CPNE4: variants seen among roughly 807,000 people sequenced by gnomAD.
CPNE4 encodes the protein copine 4, also known as copine-4.
CPNE4 carries 25 observed loss-of-function variants against 67.9 expected under a neutral mutation model. That is an observed-to-expected ratio of 0.37 (90% CI 0.27 to 0.51). CPNE4 has a LOEUF of 0.51. Ranked by LOEUF, CPNE4 falls within the 20% of genes least tolerant of loss-of-function variation. The probability of loss-of-function intolerance (pLI) is 0.93; values close to 1 mark genes in which losing one functional copy is unlikely to be tolerated. For missense variants in CPNE4, 464 were observed against 690.8 expected, an observed-to-expected ratio of 0.67 and a Z score of 3.68; for synonymous variants, 242 against 244.9, an observed-to-expected ratio of 0.99 and a Z score of 0.11.
In CPNE4 at chr3:131,659,766, T is replaced by A. The variant is rs117329466; in HGVS notation, c.681+9909A>T. On this transcript the variant is annotated intron_variant, in intron 7 of 15. Coordinates refer to ENST00000429747, the MANE Select transcript of CPNE4 (RefSeq NM_130808.3). Reference sequence around the variant, plus strand: ...TGCAAGGGTTTCCAAAAGGGAGGAATTTGGGAGTCAGAAAGAATCGCTTAG... The same window carrying A: ...TGCAAGGGTTTCCAAAAGGGAGGAAATTGGGAGTCAGAAAGAATCGCTTAG... 1.8e-3 allele frequency among the ~76,000 whole-genome samples: 270 copies of A among 152,218 alleles called. 4 individuals are homozygous for A. In the East Asian group the frequency reaches 0.049, roughly 28 times the overall value.
At chr3:131,803,109 G>T (rs2084190340) in intron 2 of CPNE4, among the ~76,000 whole-genome samples, 1 of 152,138 alleles carries the variant, frequency 6.6e-6, no homozygotes, top group African/African-American at 2.4e-5. Context: ...AAGAAGAAAT[G>T]CTTTGAAGCC....
chr3:131,940,675 G>A (rs1407914867), intron 1 of CPNE4, among the ~76,000 whole-genome samples: 3 of 151,972 alleles, frequency 2.0e-5, no homozygotes, highest in East Asian at 1.9e-4. Context: ...TTCTTATGAG[G>A]TAACTCTCTC....
chr3:131,576,370 CT>C (rs1385195381), intron 9 of CPNE4, among the ~76,000 whole-genome samples: 1 of 152,056 alleles, frequency 6.6e-6, no homozygotes, highest in Non-Finnish European at 1.5e-5. Flanking sequence ...AATAACAGTG[CT>C]TCTGAGCACT....
chr3:131,671,468 TG>T (rs2080414913), intron 6 of CPNE4, among the ~76,000 whole-genome samples: 1 of 150,260 alleles, frequency 6.7e-6, no homozygotes, highest in Non-Finnish European at 1.5e-5. Context: ...CATGTGTGTG[TG>T]TGTGTGTGTG....
chr3:131,559,682 T>C (rs536882913), intron 11 of CPNE4, among the ~76,000 whole-genome samples: 1 of 152,004 alleles, frequency 6.6e-6, no homozygotes, highest in African/African-American at 2.4e-5. Flanking sequence ...CCAATTTTAT[T>C]AAGATACATT....
chr3:131,644,796 G>A (rs924898376), intron 7 of CPNE4, among the ~76,000 whole-genome samples: 1 of 152,190 alleles, frequency 6.6e-6, no homozygotes. Flanking sequence ...AGGTACATAA[G>A]AGGAGCATAA....
chr3:132,023,889 G>T (rs1196599013), intron 1 of CPNE4, among the ~76,000 whole-genome samples: 1 of 152,116 alleles, frequency 6.6e-6, no homozygotes, highest in Non-Finnish European at 1.5e-5. Context: ...GAGATGAGAA[G>T]TTTCTCATCT....
chr3:131,938,311 C>T (rs186733495), intron 1 of CPNE4, among the ~76,000 whole-genome samples: 296 of 151,690 alleles, frequency 2.0e-3, no homozygotes, highest in African/African-American at 5.1e-3. Flanking sequence ...GAACTGTGAT[C>T]GTACCACTGC....
chr3:131,979,931 CTA>C (rs2072863435), intron 1 of CPNE4, among the ~76,000 whole-genome samples: 1 of 152,052 alleles, frequency 6.6e-6, no homozygotes, highest in Non-Finnish European at 1.5e-5. Context: ...CTGAAAAAGA[CTA>C]TATTTTTCCT....
intron 2 of CPNE4, among the ~76,000 whole-genome samples, chr3:131,855,739 T>C (rs1583334353): frequency 2.0e-5 from 3 of 151,848 alleles, no homozygotes. Flanking sequence ...GAAAATACAG[T>C]CATTTAATTT....
intron 5 of CPNE4, among the ~76,000 whole-genome samples, chr3:131,688,760 T>C (rs1415518364): frequency 6.6e-6 from 1 of 151,960 alleles, no homozygotes; most frequent in East Asian, 1.9e-4. Flanking sequence ...ATGACAAAAA[T>C]AAAAAGAAGG....
chr3:131,713,434 G>A (rs1383547487), intron 3 of CPNE4, among the ~76,000 whole-genome samples: 1 of 152,106 alleles, frequency 6.6e-6, no homozygotes, highest in Non-Finnish European at 1.5e-5. Flanking sequence ...AGAAAGGGTA[G>A]TGGAAGGGGG....
At position 132,034,805 on chromosome 3, in the gene CPNE4, G is replaced by A. The variant is rs2107708554; in HGVS notation, c.-240C>T. 1.0e-6 allele frequency: 1 copy of A among 985,546 alleles called. No homozygotes were observed. Among genetic ancestry groups the A allele is most frequent in the Non-Finnish European group, 1.2e-6 (1 of 830,118 alleles). The allele number at this position is 985,546 out of a possible 1,614,324, so 61.1% of individuals were successfully genotyped here. A position where few individuals can be genotyped will look rare whatever the true frequency, so the allele number is the denominator to read the frequency against. On this transcript the variant is annotated 5_prime_UTR_variant, in exon 1 of 16. Transcript: ENST00000429747. ...CTCCGGAAACCCTGACTCCATTCTCGGTGATGGGGGTGGGGGAAGAGGGTG... is the reference window on the plus strand; with the variant it reads ...CTCCGGAAACCCTGACTCCATTCTCAGTGATGGGGGTGGGGGAAGAGGGTG...
At chr3:131,995,888 C>A (rs1285451774) in intron 1 of CPNE4, among the ~76,000 whole-genome samples, 3 of 152,166 alleles carry the variant, frequency 2.0e-5, no homozygotes, top group African/African-American at 7.2e-5. Context: ...CAAGGAAGAG[C>A]TCCGAACTTG....
chr3:131,580,435 CATAT>C (rs1937740737), intron 9 of CPNE4, among the ~76,000 whole-genome samples: 8 of 130,946 alleles, frequency 6.1e-5, no homozygotes, highest in East Asian at 2.0e-4. Context: ...TATACATATA[CATAT>C]ACATATACAT....
Position 131,672,394 on chromosome 3 carries a change from A to G in CPNE4, c.592-2630T>C, listed in dbSNP as rs183231581. On this transcript the variant is annotated intron_variant, in intron 6 of 15. Transcript: ENST00000429747. ...TGGTTGTTCTATTTTTAATTTTTTG[A>G]GGAACCTCCAAACTATTCTCCACAA... Among the ~76,000 whole-genome samples, 14 of 152,182 alleles carry G rather than the reference A, an allele frequency of 9.2e-5. No individual in the cohort carries two copies. The East Asian group carries it at 2.5e-3, about 27-fold the overall frequency.
At chr3:131,868,388 G>A (rs996437473) in intron 2 of CPNE4, among the ~76,000 whole-genome samples, 5 of 152,146 alleles carry the variant, frequency 3.3e-5, no homozygotes, top group South Asian at 2.1e-4. Context: ...AGACTGACAC[G>A]TGGAGCTCAT....
intron 2 of CPNE4, among the ~76,000 whole-genome samples, chr3:131,733,294 A>G (rs1179107885): frequency 6.6e-6 from 1 of 152,220 alleles, no homozygotes; most frequent in Non-Finnish European, 1.5e-5. Context: ...CGTCTGGGCA[A>G]CAAACCCTGA....
chr3:132,007,464 G>A (rs778293329), intron 1 of CPNE4, among the ~76,000 whole-genome samples: 4 of 152,068 alleles, frequency 2.6e-5, no homozygotes, highest in African/African-American at 7.2e-5. Flanking sequence ...AAGAAAACAC[G>A]ACGTAAGTAT....
Sources: gnomAD v4.1 joint callset for allele counts (sites outside exome capture counted in the v4.1 genomes callset) on GRCh38, gnomAD v4.1.1 for gene constraint, MANE v1.5 for transcripts, NCBI Gene and HGNC (gene_info 2026-07-23, HGNC 2026-07-21) for gene names.